The following OPCML variants were observed in gnomAD, a reference collection of about 807,000 sequenced individuals.
The protein encoded by OPCML is opioid binding protein/cell adhesion molecule like.
OPCML carries 13 observed loss-of-function variants against 37.8 expected under a neutral mutation model. That is an observed-to-expected ratio of 0.34 (90% confidence interval 0.22 to 0.55). The LOEUF (loss-of-function observed/expected upper bound fraction) is 0.55, where lower values mean the gene tolerates loss of function less well. OPCML is among the 20% of genes least tolerant of loss of function. OPCML has a pLI of 0.91. For missense variants in OPCML, 341 were observed against 435.6 expected, an observed-to-expected ratio of 0.78 and a Z score of 1.93; for synonymous variants, 176 against 168.8, an observed-to-expected ratio of 1.04 and a Z score of -0.33.
chr11:133,241,857 T>C (rs1454749956), intron 1 of OPCML, among the ~76,000 whole-genome samples: 1 of 152,204 alleles, frequency 6.6e-6, no homozygotes, highest in African/African-American at 2.4e-5. Context: ...CGCATGTATT[T>C]TTCAGGCGGT....
rs113794542 is a variant in OPCML, at chr11:132,870,405, G to T, written c.146+72521C>A. On this transcript the variant is annotated intron_variant, in intron 2 of 7. Coordinates refer to ENST00000524381, the MANE Select transcript of OPCML (RefSeq NM_001012393.5). Reference sequence around the variant, plus strand: ...GAAGAGAGAACGCTTGCACATGGTTGGTGGGGATGTCAATTAGTACGGCCA... The same window carrying T: ...GAAGAGAGAACGCTTGCACATGGTTTGTGGGGATGTCAATTAGTACGGCCA... Among the ~76,000 whole-genome samples the T allele has an allele frequency of 4.9e-4, 74 of 152,284 alleles. 1 individual carries two copies. The highest frequency in any genetic ancestry group is 1.7e-3 in the African/African-American group (71 of 41,544).
intron 1 of OPCML, among the ~76,000 whole-genome samples, chr11:133,384,629 A>T (rs1403801236): frequency 6.6e-6 from 1 of 152,138 alleles, no homozygotes; most frequent in Admixed American, 6.5e-5. Flanking sequence ...CCCCAAAGAA[A>T]ATCCCAGTGC....
At chr11:132,721,417 G>GT (rs748847217) in intron 2 of OPCML, among the ~76,000 whole-genome samples, 1 of 152,166 alleles carries the variant, frequency 6.6e-6, no homozygotes, top group Non-Finnish European at 1.5e-5. Flanking sequence ...GAACAGCCTG[G>GT]TAAGGGGTCA....
intron 1 of OPCML, among the ~76,000 whole-genome samples, chr11:133,050,378 A>T (rs1248289971): frequency 6.6e-6 from 1 of 152,152 alleles, no homozygotes; most frequent in Non-Finnish European, 1.5e-5. Context: ...CCAGGTAATG[A>T]GCTTGCCTGT....
At chr11:133,514,705 C>T (rs1948226800) in intron 1 of OPCML, among the ~76,000 whole-genome samples, 1 of 152,186 alleles carries the variant, frequency 6.6e-6, no homozygotes, top group African/African-American at 2.4e-5. Context: ...TAGGTCTGCA[C>T]TGTTATTTAT....
rs1332080307 is a variant in OPCML at position 133,174,047 on chromosome 11, C to T, written c.62-231037G>A. ...AAACGGCCTGGCAGGCCCTGCACTGCGGCCATAAATCAGGAACTAATTCAA... is the reference window on the plus strand; with the variant it reads ...AAACGGCCTGGCAGGCCCTGCACTGTGGCCATAAATCAGGAACTAATTCAA... On this transcript the variant is annotated intron_variant, in intron 1 of 7. Coordinates refer to ENST00000524381, the MANE Select transcript of OPCML (RefSeq NM_001012393.5). The surrounding 1 kb of genome is among the most constrained non-coding windows in gnomAD (Gnocchi z 4.6). Among the ~76,000 whole-genome samples the T allele has an allele frequency of 6.6e-6, 1 of 152,204 alleles. No individual in the cohort carries two copies. Among genetic ancestry groups the T allele is most frequent in the Non-Finnish European group, 1.5e-5 (1 of 68,040 alleles).
intron 3 of OPCML, among the ~76,000 whole-genome samples, chr11:132,622,929 T>A (rs1048921072): frequency 6.6e-6 from 1 of 152,210 alleles, no homozygotes; most frequent in Non-Finnish European, 1.5e-5. Context: ...CTCAGGCAAC[T>A]CATCGTATCT....
intron 1 of OPCML, among the ~76,000 whole-genome samples, chr11:133,491,208 G>T (rs1039095680): frequency 2.0e-5 from 3 of 152,190 alleles, no homozygotes; most frequent in African/African-American, 7.2e-5. Context: ...CAATCAATGG[G>T]TGTGCAGAAG....
intron 2 of OPCML, among the ~76,000 whole-genome samples, chr11:132,876,768 A>G (rs1427719645): frequency 1.3e-5 from 2 of 152,178 alleles, no homozygotes; most frequent in Non-Finnish European, 2.9e-5. Flanking sequence ...AAAGGTAAAC[A>G]TGCCTGGTGC....
intron 2 of OPCML, among the ~76,000 whole-genome samples, chr11:132,709,407 A>G (rs1360205071): frequency 6.6e-6 from 1 of 152,210 alleles, no homozygotes; most frequent in Non-Finnish European, 1.5e-5. Flanking sequence ...CACTGGTGCA[A>G]TATTATTAGC....
intron 1 of OPCML, among the ~76,000 whole-genome samples, chr11:133,392,161 G>GGCCTCT (rs1352499219): frequency 6.6e-6 from 1 of 152,128 alleles, no homozygotes; most frequent in Non-Finnish European, 1.5e-5. Flanking sequence ...CACTTAACAT[G>GGCCTCT]AATTAACGAA....
chr11:133,423,574 G>A, intron 1 of OPCML: 2 of 778,338 alleles, frequency 2.6e-6, no homozygotes, highest in Non-Finnish European at 3.1e-6. Flanking sequence ...AAGCAGATCT[G>A]TGAAAGATAG....
At chr11:132,811,203 T>C (rs1489453398) in intron 2 of OPCML, among the ~76,000 whole-genome samples, 1 of 152,190 alleles carries the variant, frequency 6.6e-6, no homozygotes, top group African/African-American at 2.4e-5. Flanking sequence ...TGAACTCATT[T>C]CGTCTCTAGG....
At chr11:133,029,119 G>A (rs1050700203) in intron 1 of OPCML, among the ~76,000 whole-genome samples, 38 of 152,176 alleles carry the variant, frequency 2.5e-4, no homozygotes, top group East Asian at 3.9e-4. Context: ...AAAAATGTTC[G>A]ACATCACTAA....
intron 1 of OPCML, among the ~76,000 whole-genome samples, chr11:133,015,681 T>C (rs982418441): frequency 6.6e-6 from 1 of 152,212 alleles, no homozygotes; most frequent in African/African-American, 2.4e-5. Context: ...TGGCATGCAG[T>C]GAAAAATCCT....
chr11:132,641,433 A>G (rs1006687308), intron 3 of OPCML, among the ~76,000 whole-genome samples: 1 of 152,038 alleles, frequency 6.6e-6, no homozygotes, highest in African/African-American at 2.4e-5. Context: ...CCTGCCTGGC[A>G]CTTTTTCAAA....
At chr11:133,444,291 G>T (rs528182105) in intron 1 of OPCML, among the ~76,000 whole-genome samples, 1 of 152,250 alleles carries the variant, frequency 6.6e-6, no homozygotes, top group Admixed American at 6.5e-5. Flanking sequence ...GAAAAAAAGA[G>T]TTAGTTTCTT....
At position 132,900,716 on chromosome 11, in the gene OPCML, A is replaced by G. The variant is rs11823056; in HGVS notation, c.146+42210T>C. Among the ~76,000 whole-genome samples the G allele has an allele frequency of 7.0e-3, 1,071 of 152,064 alleles. 12 individuals are homozygous for G. The highest frequency in any genetic ancestry group is 0.025 in the African/African-American group (1,016 of 41,446). ...GCTCTGCACATTCTGTTCCTTCTCTATGAAACCCTCCCTAGCCAAACTAAC... is the reference window on the plus strand; with the variant it reads ...GCTCTGCACATTCTGTTCCTTCTCTGTGAAACCCTCCCTAGCCAAACTAAC... On this transcript the variant is annotated intron_variant, in intron 2 of 7. Transcript: ENST00000524381.
chr11:132,759,662 T>G (rs963170883), intron 2 of OPCML, among the ~76,000 whole-genome samples: 1 of 152,152 alleles, frequency 6.6e-6, no homozygotes, highest in Non-Finnish European at 1.5e-5. Context: ...TTTATCATTT[T>G]TATTGTCTTT....
Sources: gnomAD v4.1 joint callset for allele counts (sites outside exome capture counted in the v4.1 genomes callset) on GRCh38, gnomAD v4.1.1 for gene constraint, Gnocchi (gnomAD v3.1) non-coding constraint, MANE v1.5 for transcripts, NCBI Gene and HGNC (gene_info 2026-07-23, HGNC 2026-07-21) for gene names.